DHRS3: variants seen among roughly 807,000 people sequenced by gnomAD.
The protein encoded by DHRS3 is short-chain dehydrogenase/reductase 3.
Under a neutral mutation model 27.2 loss-of-function variants are expected in DHRS3, and 14 were observed. That is an observed-to-expected ratio of 0.52 (90% CI 0.34 to 0.81). The LOEUF (loss-of-function observed/expected upper bound fraction) is 0.81, where lower values mean the gene tolerates loss of function less well. DHRS3 is among the 30% of genes least tolerant of loss of function. DHRS3 has a pLI of 0.01. For synonymous variants in DHRS3, 165 were observed against 175.9 expected (o/e 0.94, Z 0.49); for missense variants, 322 against 406.2 (o/e 0.79, Z 1.78).
At chr1:12,570,588 A>C (rs899234444) in intron 5 of DHRS3, among the ~76,000 whole-genome samples, 1 of 152,176 alleles carries the variant, frequency 6.6e-6, no homozygotes, top group Non-Finnish European at 1.5e-5. Flanking sequence ...CTTCCTGTTC[A>C]AAAGTAGTTG....
chr1:12,616,068 A>G (rs942804346), intron 1 of DHRS3, among the ~76,000 whole-genome samples: 4 of 152,244 alleles, frequency 2.6e-5, no homozygotes, highest in Non-Finnish European at 5.9e-5. Flanking sequence ...TCAGGGCAGT[A>G]TTTAACAAAA....
At chr1:12,571,785 C>T (rs865903996) in intron 5 of DHRS3, among the ~76,000 whole-genome samples, 11 of 152,248 alleles carry the variant, frequency 7.2e-5, no homozygotes, top group South Asian at 6.2e-4. Flanking sequence ...CCACCCACCT[C>T]GGCCTCCCAA....
chr1:12,580,625 C>A lies in DHRS3; in HGVS notation c.237G>T (p.Thr79=). 1 of 1,614,126 alleles carries A rather than the reference C, an allele frequency of 6.2e-7. No homozygotes were observed. Among genetic ancestry groups the A allele is most frequent in the Non-Finnish European group, 8.5e-7 (1 of 1,180,042 alleles). Residue 79 remains threonine, a synonymous_variant, in exon 2 of 6, where the codon ACG becomes ACT. Coordinates refer to ENST00000616661, the MANE Select transcript of DHRS3 (RefSeq NM_004753.7). Reference sequence around the variant, plus strand: ...TGCCCATCTGCCGGATCTCCTCCGTCGTCTCCTTCAGGCATTTCTCAGTCC... The same window carrying A: ...TGCCCATCTGCCGGATCTCCTCCGTAGTCTCCTTCAGGCATTTCTCAGTCC... ...WGRTEKCLKE[T]TEEIRQMGTE...
In DHRS3 at chr1:12,568,394, G is replaced by C. The variant is rs1646503541; in HGVS notation, c.855C>G (p.Ile285Met). The C allele has an allele frequency of 6.2e-7, 1 of 1,613,794 alleles. No homozygotes were observed. The highest frequency in any genetic ancestry group is 1.3e-5 in the African/African-American group (1 of 74,924). ...AGGTGTAGGTTCCTGAGAATTTGTGGATCTCCTCGAGTGCAGCCTGTGGAA... is the reference window on the plus strand; with the variant it reads ...AGGTGTAGGTTCCTGAGAATTTGTGCATCTCCTCGAGTGCAGCCTGTGGAA... Reference protein sequence around the residue: ...SILPQAALEEIHKFSGTYTCM... With the variant: ...SILPQAALEEMHKFSGTYTCM... Residue 285 changes from isoleucine (I) to methionine (M), a missense_variant, in exon 6 of 6, where the codon ATC (isoleucine) becomes ATG (methionine). Ile to Met is a conservative substitution (Grantham distance 10). Transcript: ENST00000616661.
At chr1:12,587,946 G>C (rs147644015) in intron 1 of DHRS3, among the ~76,000 whole-genome samples, 91 of 152,348 alleles carry the variant, frequency 6.0e-4, no homozygotes, top group African/African-American at 2.1e-3. Flanking sequence ...GAGTGAGTGA[G>C]GGAGGGAGCC....
chr1:12,600,320 G>A (rs969440984), intron 1 of DHRS3: 1 of 984,278 alleles, frequency 1.0e-6, no homozygotes, highest in Non-Finnish European at 1.2e-6. Flanking sequence ...CTGAGGAGGT[G>A]TGAGCCCTCG....
chr1:12,585,395 CTG>C (rs33958058), intron 1 of DHRS3, among the ~76,000 whole-genome samples: 111,556 of 151,408 alleles, frequency 0.74, 42,520 homozygotes, highest in South Asian at 0.87. Context: ...CTGTGTGTGA[CTG>C]TGTGTGTGTG....
chr1:12,589,823 T>C (rs1324037295), intron 1 of DHRS3, among the ~76,000 whole-genome samples: 1 of 151,114 alleles, frequency 6.6e-6, no homozygotes, highest in Non-Finnish European at 1.5e-5. Flanking sequence ...GTCTCTGTTT[T>C]GTAAAAAGCT....
intron 1 of DHRS3, among the ~76,000 whole-genome samples, chr1:12,601,287 C>A (rs945544704): frequency 1.3e-5 from 2 of 152,138 alleles, no homozygotes; most frequent in Non-Finnish European, 2.9e-5. Flanking sequence ...CCAAATAGAG[C>A]ACCATTTCCT....
intron 5 of DHRS3, among the ~76,000 whole-genome samples, chr1:12,570,913 C>T (rs1275774123): frequency 2.0e-5 from 3 of 152,238 alleles, no homozygotes; most frequent in Non-Finnish European, 4.4e-5. Context: ...ATCGGGCTTG[C>T]GCCTCAGTTT....
At chr1:12,604,444 T>C (rs1646856243) in intron 1 of DHRS3, among the ~76,000 whole-genome samples, 1 of 152,228 alleles carries the variant, frequency 6.6e-6, no homozygotes, top group African/African-American at 2.4e-5. Flanking sequence ...CTCCCATTCA[T>C]TGTATGCAAA....
At chr1:12,582,672 C>A (rs149511106) in intron 1 of DHRS3, among the ~76,000 whole-genome samples, 114 of 152,172 alleles carry the variant, frequency 7.5e-4, no homozygotes, top group African/African-American at 2.7e-3. Context: ...GACCACCCCC[C>A]GCCTTGCCTT....
intron 1 of DHRS3, among the ~76,000 whole-genome samples, chr1:12,611,079 C>T (rs747702873): frequency 6.6e-6 from 1 of 152,158 alleles, no homozygotes; most frequent in Non-Finnish European, 1.5e-5. Context: ...GGCAGACGGC[C>T]TCGGCAAATA....
intron 1 of DHRS3, among the ~76,000 whole-genome samples, chr1:12,606,526 G>C (rs983088707): frequency 6.6e-6 from 1 of 151,980 alleles, no homozygotes; most frequent in Non-Finnish European, 1.5e-5. Context: ...TTTCACTCTT[G>C]TTGTCCAGGC....
chr1:12,580,360 A>T, intron 2 of DHRS3, 163 bp downstream of exon 2: 1 of 854,566 alleles, frequency 1.2e-6, no homozygotes, highest in Non-Finnish European at 1.9e-6. Flanking sequence ...ATCCCTGCCT[A>T]TGTAACTGGG....
At chr1:12,576,540 C>T (rs1194997593) in intron 4 of DHRS3, among the ~76,000 whole-genome samples, 1 of 150,598 alleles carries the variant, frequency 6.6e-6, no homozygotes, top group Non-Finnish European at 1.5e-5. Context: ...CCAGCCTGGG[C>T]GACAGAGCAA....
At position 12,578,814 on chromosome 1, in the gene DHRS3, C is replaced by G. The variant is rs1263332476; in HGVS notation, c.602G>C (p.Ser201Thr). The G allele has an allele frequency of 1.9e-6, 3 of 1,613,962 alleles. No individual in the cohort carries two copies. The highest frequency in any genetic ancestry group is 4.5e-5 in the East Asian group (2 of 44,892). The change falls in exon 4 of 6, where the codon AGC becomes ACC. Residue 201 changes from serine (S) to threonine (T), a missense_variant. Coordinates refer to ENST00000616661, the MANE Select transcript of DHRS3 (RefSeq NM_004753.7). This position sits in a 1 kb window ranked among gnomAD's most constrained non-coding sequence, Gnocchi z 4.5. ...SKASAFAFME[S>T]LTLGLLDCPG... ...ACAGTCCAGCAGCCCCAGGGTCAGG[C>G]TCTCCATGAAGGCGAAGGCTGACGC...
chr1:12,570,294 C>T (rs1391500585), intron 5 of DHRS3, among the ~76,000 whole-genome samples: 2 of 152,226 alleles, frequency 1.3e-5, no homozygotes, highest in South Asian at 2.1e-4. Context: ...GTGTAGTCCC[C>T]ACCCGTTTAC....
intron 4 of DHRS3, among the ~76,000 whole-genome samples, chr1:12,576,125 C>T (rs115227668): frequency 0.011 from 1,670 of 152,254 alleles, 24 homozygotes; most frequent in African/African-American, 0.038. Context: ...TTTGGGTTCA[C>T]GCTCTGAAAA....
Sources: allele counts gnomAD v4.1 joint callset (sites outside exome capture counted in the v4.1 genomes callset), GRCh38; gene constraint gnomAD v4.1.1; non-coding constraint Gnocchi (gnomAD v3.1); transcripts MANE v1.5; gene names NCBI Gene and HGNC (gene_info 2026-07-23, HGNC 2026-07-21).